UGGT2: variants seen among roughly 807,000 people sequenced by gnomAD.
UGGT2 encodes the protein UDP-glucose glycoprotein glucosyltransferase 2, also known as UDP-glucose:glycoprotein glucosyltransferase 2.
A neutral mutation model predicts 192.1 loss-of-function variants in UGGT2; 180 were observed. The ratio of observed to expected loss-of-function variants is 0.94; its 90% CI spans 0.83 to 1.06. UGGT2 has a LOEUF of 1.06. Ranked by LOEUF, UGGT2 falls within the 50% of genes least tolerant of loss-of-function variation. UGGT2 has a pLI of 0.00. For missense variants in UGGT2, 1,849 were observed against 1,795.7 expected (o/e 1.03, Z -0.54); for synonymous variants, 580 against 591.0 (o/e 0.98, Z 0.27).
intron 2 of UGGT2, among the ~76,000 whole-genome samples, chr13:96,030,271 ACCCAAT>A (rs2052794067): frequency 6.6e-6 from 1 of 152,154 alleles, no homozygotes; most frequent in Non-Finnish European, 1.5e-5. Context: ...GTTATGCATG[ACCCAAT>A]TAAAGCTCTT....
At chr13:96,052,630 A>T (rs1330633000) in intron 1 of UGGT2, among the ~76,000 whole-genome samples, 1 of 152,218 alleles carries the variant, frequency 6.6e-6, no homozygotes, top group Non-Finnish European at 1.5e-5. Flanking sequence ...ATTTTACTCA[A>T]CTAGAATACT....
intron 20 of UGGT2, among the ~76,000 whole-genome samples, chr13:95,919,850 G>C (rs1443647049): frequency 3.9e-5 from 6 of 152,030 alleles, no homozygotes; most frequent in African/African-American, 1.4e-4. Context: ...TTTAGAAAAA[G>C]TGATTTTAAA....
At chr13:95,810,481 G>C (rs759751900) in intron 38 of UGGT2, among the ~76,000 whole-genome samples, 1 of 152,120 alleles carries the variant, frequency 6.6e-6, no homozygotes, top group Non-Finnish European at 1.5e-5. Flanking sequence ...TAATAGACTT[G>C]TGGATATTTT....
At chr13:95,929,381 G>A (rs929294350) in intron 17 of UGGT2, among the ~76,000 whole-genome samples, 1 of 152,184 alleles carries the variant, frequency 6.6e-6, no homozygotes, top group African/African-American at 2.4e-5. Context: ...TTGGGGTTAT[G>A]ACTGATCCCA....
intron 20 of UGGT2, among the ~76,000 whole-genome samples, chr13:95,908,207 T>C (rs566419835): frequency 3.3e-5 from 5 of 152,138 alleles, no homozygotes; most frequent in Admixed American, 6.5e-5. Flanking sequence ...GAAAAAAGAC[T>C]AAAAAGAAAC....
At chr13:95,811,015 C>T (rs746659797) in intron 38 of UGGT2, among the ~76,000 whole-genome samples, 4 of 152,132 alleles carry the variant, frequency 2.6e-5, no homozygotes, top group Non-Finnish European at 4.4e-5. Context: ...TGGTGAACAT[C>T]ATTTGCCATC....
chr13:95,971,645 C>T (rs922752435), intron 11 of UGGT2, among the ~76,000 whole-genome samples: 3 of 152,168 alleles, frequency 2.0e-5, no homozygotes, highest in African/African-American at 7.2e-5. Flanking sequence ...CTGCTGGGCA[C>T]ATATATAATT....
At chr13:95,930,165 A>T (rs1006667473) in intron 17 of UGGT2, among the ~76,000 whole-genome samples, 1 of 151,984 alleles carries the variant, frequency 6.6e-6, no homozygotes, top group African/African-American at 2.4e-5. Context: ...CTACTTATGG[A>T]TATTAGAATT....
intron 36 of UGGT2, among the ~76,000 whole-genome samples, chr13:95,839,164 C>T (rs1214213107): frequency 6.6e-6 from 1 of 152,036 alleles, no homozygotes; most frequent in Non-Finnish European, 1.5e-5. Flanking sequence ...CACACTACCC[C>T]CCATGCCGAC....
At chr13:95,994,685 C>T (rs2051562384) in intron 7 of UGGT2, among the ~76,000 whole-genome samples, 1 of 151,858 alleles carries the variant, frequency 6.6e-6, no homozygotes, top group Non-Finnish European at 1.5e-5. Flanking sequence ...ATTTACTTGA[C>T]TTTTATGGCA....
At chr13:95,826,589 T>C (rs1478105898) in intron 38 of UGGT2, among the ~76,000 whole-genome samples, 2 of 151,964 alleles carry the variant, frequency 1.3e-5, no homozygotes, top group Non-Finnish European at 2.9e-5. Flanking sequence ...TAAGAAGATA[T>C]TCTTCAAGAG....
chr13:95,868,220 G>A (rs1890858923), intron 29 of UGGT2, among the ~76,000 whole-genome samples: 1 of 152,090 alleles, frequency 6.6e-6, no homozygotes, highest in Non-Finnish European at 1.5e-5. Context: ...ACACGTCTTT[G>A]ACTTTCTCTT....
At chr13:95,964,597 A>C (rs2050507243) in intron 12 of UGGT2, among the ~76,000 whole-genome samples, 1 of 152,210 alleles carries the variant, frequency 6.6e-6, no homozygotes, top group African/African-American at 2.4e-5. Flanking sequence ...GAAGTTGAAC[A>C]ACTCAACAAT....
At chr13:95,952,055 C>A (rs1166408656) in intron 12 of UGGT2, among the ~76,000 whole-genome samples, 40 of 143,576 alleles carry the variant, frequency 2.8e-4, no homozygotes, top group Admixed American at 3.5e-4. Flanking sequence ...GAGACTGTCT[C>A]AAAAAAAAAA....
At chr13:95,845,560 G>A (rs1325548402) in intron 36 of UGGT2, among the ~76,000 whole-genome samples, 2 of 151,630 alleles carry the variant, frequency 1.3e-5, no homozygotes, top group African/African-American at 2.4e-5. Context: ...AGTCTCCTAT[G>A]TCTACTTCTT....
chr13:95,860,500 AG>A (rs1041849236), intron 32 of UGGT2, among the ~76,000 whole-genome samples: 2 of 150,288 alleles, frequency 1.3e-5, no homozygotes, highest in Admixed American at 6.6e-5. Flanking sequence ...AAAAAAAAAA[AG>A]CAAGGTGTAA....
rs762325108 is a variant in UGGT2 at position 95,854,313 on chromosome 13, A to G, written c.4169+2T>C. 1.2e-6 allele frequency: 2 copies of G among 1,609,140 alleles called. No homozygotes were observed. Among genetic ancestry groups the G allele is most frequent in the Admixed American group, 3.4e-5 (2 of 59,038 alleles). On this transcript the variant is annotated splice_donor_variant, in intron 35 of 38. Coordinates refer to ENST00000376747, the MANE Select transcript of UGGT2 (RefSeq NM_020121.4). LOFTEE classifies it high-confidence loss of function. ...AAATGGTAAGGGTCTGACTTTTCTT[A>G]CCTGATATGGTATTTCCGTCTTAAA...
At chr13:95,929,520 A>C (rs2013955712) in intron 17 of UGGT2, among the ~76,000 whole-genome samples, 1 of 152,234 alleles carries the variant, frequency 6.6e-6, no homozygotes, top group African/African-American at 2.4e-5. Context: ...CCAAATGTTT[A>C]GCTCCCACTC....
Position 95,903,009 on chromosome 13 carries a change from T to A in UGGT2, c.2347A>T (p.Ile783Leu). Residue 783 changes from isoleucine to leucine, a missense_variant, in exon 21 of 39, where the codon ATA becomes TTA. Ile to Leu is a conservative substitution (Grantham distance 5, BLOSUM62 2). Transcript: ENST00000376747. ...GAAATAGCTGTGTTCTCTTCATTTA[T>A]TTTTGATGTAGGATTATAAATAATC... ...LGIIYNPTSK[I>L]NEENTAISRG... 1 of 1,613,162 alleles carries A rather than the reference T, an allele frequency of 6.2e-7. No individual in the cohort carries two copies. Among genetic ancestry groups the A allele is most frequent in the Non-Finnish European group, 8.5e-7 (1 of 1,179,604 alleles).
Sources: allele counts gnomAD v4.1 joint callset (sites outside exome capture counted in the v4.1 genomes callset), GRCh38; gene constraint gnomAD v4.1.1; transcripts MANE v1.5; gene names NCBI Gene and HGNC (gene_info 2026-07-23, HGNC 2026-07-21).